CFAP36: variants seen among roughly 807,000 people sequenced by gnomAD.
The protein encoded by CFAP36 is cilia and flagella associated protein 36, also known as cilia- and flagella-associated protein 36.
A neutral mutation model predicts 50.5 loss-of-function variants in CFAP36; 37 were observed. The observed-to-expected ratio is 0.73, with a 90% CI of 0.56 to 0.96. The LOEUF (loss-of-function observed/expected upper bound fraction) is 0.96, where lower values mean the gene tolerates loss of function less well. CFAP36 is among the 50% of genes least tolerant of loss of function. The pLI, the probability that CFAP36 is intolerant of heterozygous loss-of-function variation, is 0.00. For synonymous variants in CFAP36, 138 were observed against 128.2 expected (o/e 1.08, Z -0.52); for missense variants, 407 against 396.2 (o/e 1.03, Z -0.23).
intron 7 of CFAP36, chr2:55,538,755 T>G (rs757600817): frequency 6.5e-7 from 1 of 1,545,400 alleles, no homozygotes; most frequent in African/African-American, 1.4e-5. Context: ...TCTTTTTTTT[T>G]TTTTTAAAGA....
In CFAP36 at chr2:55,534,152, T is replaced by C. The variant is rs563499164; in HGVS notation, c.485+192T>C. On this transcript the variant is annotated intron_variant, in intron 5 of 9. Transcript: ENST00000349456. ...GAAAAAGTTATTTTCAGGTAACTTA[T>C]ACCAGATCAGTCCAAATGAAAGGGT... 5.3e-5 allele frequency among the ~76,000 whole-genome samples: 8 copies of C among 152,338 alleles called. No homozygotes were observed. The South Asian group carries it at 1.7e-3, about 32-fold the overall frequency.
intron 6 of CFAP36, 87 bp downstream of exon 6, chr2:55,535,850 T>G (rs1414846912): frequency 6.9e-7 from 1 of 1,459,330 alleles, no homozygotes; most frequent in Non-Finnish European, 9.1e-7. Flanking sequence ...AAATTTATAC[T>G]TATGTGGAAC....
At chr2:55,522,057 A>G (rs17369150) in intron 1 of CFAP36, 45 bp from the exon 2 acceptor site, 38,298 of 985,386 alleles carry the variant, frequency 0.039, 993 homozygotes, top group Non-Finnish European at 0.046. Flanking sequence ...GCATTAATAA[A>G]ATGATTTGGT....
chr2:55,535,655 T>G, intron 5 of CFAP36, 57 bp from the exon 6 acceptor site: 1 of 1,307,280 alleles, frequency 7.6e-7, no homozygotes, highest in Non-Finnish European at 1.0e-6. Context: ...AGTTGAATAT[T>G]TGTTCTTTGA....
chr2:55,522,974 A>C (rs1684111687), intron 2 of CFAP36, among the ~76,000 whole-genome samples: 2 of 151,888 alleles, frequency 1.3e-5, no homozygotes, highest in Non-Finnish European at 2.9e-5. Context: ...ATGTGCCTGT[A>C]GTCCCAGTTG....
At chr2:55,538,899 AGT>A in intron 7 of CFAP36, 1 of 1,468,194 alleles carries the variant, frequency 6.8e-7, no homozygotes, top group Non-Finnish European at 9.0e-7. Flanking sequence ...AATTGAGATT[AGT>A]GTGATGTTTA....
At chr2:55,523,192 C>A (rs1684118033) in intron 2 of CFAP36, among the ~76,000 whole-genome samples, 1 of 151,568 alleles carries the variant, frequency 6.6e-6, no homozygotes, top group South Asian at 2.1e-4. Context: ...AGGCGGATCA[C>A]CTGAGGTCAG....
At chr2:55,536,220 C>T (rs1045812954) in intron 6 of CFAP36, among the ~76,000 whole-genome samples, 26 of 151,322 alleles carry the variant, frequency 1.7e-4, no homozygotes, top group Non-Finnish European at 7.4e-5. Flanking sequence ...GCAACCTCTG[C>T]CTCCGGGGTT....
intron 7 of CFAP36, among the ~76,000 whole-genome samples, chr2:55,540,607 G>A (rs1290986302): frequency 6.6e-6 from 1 of 152,082 alleles, no homozygotes; most frequent in African/African-American, 2.4e-5. Flanking sequence ...GTTAGAATCT[G>A]TTTGTCAGTA....
chr2:55,530,155 C>A (rs1049655670), intron 4 of CFAP36, among the ~76,000 whole-genome samples: 7 of 152,104 alleles, frequency 4.6e-5, no homozygotes, highest in African/African-American at 1.4e-4. Flanking sequence ...CCATGCTGTT[C>A]TTGTGATAGT....
At chr2:55,543,293 G>A (rs1285306900) in intron 7 of CFAP36, among the ~76,000 whole-genome samples, 2 of 152,086 alleles carry the variant, frequency 1.3e-5, no homozygotes, top group Admixed American at 1.3e-4. Context: ...CAATTAGAAT[G>A]TTAACTCTCT....
chr2:55,521,905 C>G (rs1684077633), intron 1 of CFAP36, among the ~76,000 whole-genome samples, 197 bp from the exon 2 acceptor site: 1 of 152,180 alleles, frequency 6.6e-6, no homozygotes, highest in Non-Finnish European at 1.5e-5. Flanking sequence ...GCTGGGATTA[C>G]AGGCATGAGC....
intron 7 of CFAP36, 65 bp downstream of exon 7, chr2:55,537,650 C>T: frequency 9.6e-7 from 1 of 1,046,170 alleles, no homozygotes. Context: ...ATAGAATGTG[C>T]CACTTTCTCA....
chr2:55,544,880 G>A, intron 9 of CFAP36, 27 bp from the exon 10 acceptor site: 5 of 1,481,946 alleles, frequency 3.4e-6, no homozygotes, highest in Non-Finnish European at 4.6e-6. Context: ...ATTTCATACT[G>A]TAGCCAATTT....
At chr2:55,523,671 C>T in intron 2 of CFAP36, 50 bp from the exon 3 acceptor site, 1 of 1,246,208 alleles carries the variant, frequency 8.0e-7, no homozygotes, top group Non-Finnish European at 1.1e-6. Flanking sequence ...TGCAAACTGT[C>T]ATGTAGAATT....
intron 7 of CFAP36, among the ~76,000 whole-genome samples, chr2:55,540,053 C>A (rs1034536808): frequency 6.6e-6 from 1 of 152,060 alleles, no homozygotes; most frequent in South Asian, 2.1e-4. Flanking sequence ...TCAGATGTGT[C>A]TTCTGAAAAT....
At chr2:55,530,709 A>G (rs1238156685) in intron 4 of CFAP36, among the ~76,000 whole-genome samples, 1 of 152,184 alleles carries the variant, frequency 6.6e-6, no homozygotes, top group Non-Finnish European at 1.5e-5. Context: ...AACCCAGATT[A>G]TCATCTCTGT....
At chr2:55,537,197 C>G (rs1006135000) in intron 6 of CFAP36, among the ~76,000 whole-genome samples, 1 of 151,968 alleles carries the variant, frequency 6.6e-6, no homozygotes, top group Non-Finnish European at 1.5e-5. Context: ...ATGGCAAAAC[C>G]CCATCTCTAC....
intron 6 of CFAP36, among the ~76,000 whole-genome samples, chr2:55,537,238 G>T (rs908444337): frequency 6.6e-6 from 1 of 152,096 alleles, no homozygotes; most frequent in Admixed American, 6.6e-5. Context: ...GAGCGTGGTA[G>T]TGCACACCTG....
Sources: gnomAD v4.1 joint callset for allele counts (sites outside exome capture counted in the v4.1 genomes callset) on GRCh38, gnomAD v4.1.1 for gene constraint, MANE v1.5 for transcripts, NCBI Gene and HGNC (gene_info 2026-07-23, HGNC 2026-07-21) for gene names.